EPAS1: variants seen among roughly 807,000 people sequenced by gnomAD.
The protein encoded by EPAS1 is endothelial PAS domain protein 1, also known as endothelial PAS domain-containing protein 1.
Under a neutral mutation model 87.9 loss-of-function variants are expected in EPAS1, and 23 were observed. The ratio of observed to expected loss-of-function variants is 0.26; its 90% confidence interval spans 0.19 to 0.37. EPAS1 has a LOEUF of 0.37. Among genes scored for constraint, EPAS1 ranks in the 10% least tolerant of loss-of-function variants. EPAS1 has a pLI of 1.00. For synonymous variants in EPAS1, 508 were observed against 444.3 expected (o/e 1.14, Z -1.80); for missense variants, 1,138 against 1,120.7 (o/e 1.02, Z -0.22).
chr2:46,308,334 T>G (rs1250206682), intron 1 of EPAS1, among the ~76,000 whole-genome samples: 1 of 152,178 alleles, frequency 6.6e-6, no homozygotes, highest in East Asian at 1.9e-4. Flanking sequence ...CCAAAGAGCC[T>G]GCTTATATTT....
intron 2 of EPAS1, among the ~76,000 whole-genome samples, chr2:46,351,370 C>T (rs1248717531): frequency 6.6e-6 from 1 of 152,158 alleles, no homozygotes; most frequent in African/African-American, 2.4e-5. Context: ...ATGAATCTCT[C>T]CTAGTGGACT....
At position 46,381,972 on chromosome 2, in the gene EPAS1, C is replaced by G. The variant is rs1248261567; in HGVS notation, c.2173-3C>G. ...CCTTTCCATCTGCCCTTCTTACTCCCAGGGGGACCCACCTGGTGGCAGCAC... is the reference window on the plus strand; with the variant it reads ...CCTTTCCATCTGCCCTTCTTACTCCGAGGGGGACCCACCTGGTGGCAGCAC... On this transcript the variant is annotated splice_polypyrimidine_tract_variant and splice_region_variant and intron_variant, in intron 13 of 15. Coordinates refer to ENST00000263734, the MANE Select transcript of EPAS1 (RefSeq NM_001430.5). 3 of 1,613,538 alleles carry G rather than the reference C, an allele frequency of 1.9e-6. No individual in the cohort carries two copies. In the African/African-American group the frequency reaches 4.0e-5, roughly 22 times the overall value.
chr2:46,317,394 C>T (rs7559647), intron 1 of EPAS1, among the ~76,000 whole-genome samples: 8,442 of 152,202 alleles, frequency 0.055, 771 homozygotes, highest in African/African-American at 0.19. Context: ...CAGAATGGAT[C>T]TTGTGTTAGC....
intron 8 of EPAS1, 105 bp from the exon 9 acceptor site, chr2:46,376,434 C>G: frequency 9.1e-7 from 1 of 1,101,106 alleles, no homozygotes; most frequent in Non-Finnish European, 1.4e-6. Context: ...GAGTCCTACC[C>G]ATTTTTTGTC....
intron 1 of EPAS1, among the ~76,000 whole-genome samples, chr2:46,330,645 A>C (rs1649204408): frequency 6.6e-6 from 1 of 152,228 alleles, no homozygotes; most frequent in Non-Finnish European, 1.5e-5. Context: ...TTGTCAAAGC[A>C]CAAGGAATGC....
At chr2:46,359,136 G>C (rs1411191732) in intron 4 of EPAS1, among the ~76,000 whole-genome samples, 3 of 151,608 alleles carry the variant, frequency 2.0e-5, no homozygotes, top group African/African-American at 7.3e-5. Flanking sequence ...GCGCGTGCCT[G>C]TAGTCCCAGC....
chr2:46,365,615 T>C (rs575862586), intron 6 of EPAS1, among the ~76,000 whole-genome samples: 7 of 152,358 alleles, frequency 4.6e-5, no homozygotes, highest in Non-Finnish European at 7.3e-5. Flanking sequence ...ACAGACAGGA[T>C]AGAAATGGAT....
chr2:46,372,211 A>C (rs1164584693), intron 7 of EPAS1, among the ~76,000 whole-genome samples: 1 of 152,228 alleles, frequency 6.6e-6, no homozygotes, highest in East Asian at 1.9e-4. Context: ...CATAGCTAGC[A>C]AAGGGACAAA....
chr2:46,373,440 T>C (rs182376851), intron 7 of EPAS1, among the ~76,000 whole-genome samples: 19 of 152,324 alleles, frequency 1.2e-4, no homozygotes, highest in Admixed American at 1.2e-3. Context: ...GGAATACAAC[T>C]CACTGATGAA....
In EPAS1 at chr2:46,356,176, C is replaced by T. The variant is rs776561456; in HGVS notation, c.243C>T (p.Ala81=). Residue 81 remains alanine (A), a synonymous_variant, in exon 3 of 16, where the codon GCC becomes GCT. Transcript: ENST00000263734. ...SSVCSENESE[A]EADQQMDNLY... is the part of the protein sequence containing the mutation. The stretch of plus-strand genomic sequence containing the variant: ...TTTGCTCTGAAAACGAGTCCGAAGC[C>T]GAAGCTGACCAGCAGATGGACAACT... 12 of 1,572,748 alleles carry T rather than the reference C, an allele frequency of 7.6e-6. No homozygotes were observed. The highest frequency in any genetic ancestry group is 1.1e-5 in the South Asian group (1 of 90,532).
In EPAS1 at chr2:46,347,350, T is replaced by C. The variant is rs1572631502; in HGVS notation, c.217+287T>C. The C allele has an allele frequency of 4.0e-6, 2 of 497,060 alleles. No individual in the cohort carries two copies. Among genetic ancestry groups the C allele is most frequent in the Non-Finnish European group, 7.4e-6 (2 of 271,740 alleles). 30.8% of individuals were successfully genotyped at this position (497,060 alleles called of 1,614,324 possible). On this transcript the variant is annotated intron_variant, in intron 2 of 15. Transcript: ENST00000263734. This position sits in a 1 kb window ranked among gnomAD's most constrained non-coding sequence, Gnocchi z 4.2. ...ACGGGCTGGGAGAACCAAGGACGGCTTTTGCTGACTTCTCAATTTGTTGCC... is the reference window on the plus strand; with the variant it reads ...ACGGGCTGGGAGAACCAAGGACGGCCTTTGCTGACTTCTCAATTTGTTGCC...
At position 46,381,687 on chromosome 2, in the gene EPAS1, G is replaced by A. The variant is rs1289443695; in HGVS notation, c.2137G>A (p.Glu713Lys). The A allele has an allele frequency of 1.2e-6, 2 of 1,614,016 alleles. No individual in the cohort carries two copies. The highest frequency in any genetic ancestry group is 2.2e-5 in the East Asian group (1 of 44,882). The change falls in exon 13 of 16, where the codon GAG becomes AAG. Residue 713 changes from glutamate to lysine, a missense_variant. Physicochemically the swap from Glu to Lys is moderately conservative, Grantham distance 56. Around this residue, in one of 4 missense-constraint regions of EPAS1, gnomAD observed 502 missense variants for 427.1 expected, o/e 1.18. Coordinates refer to ENST00000263734, the MANE Select transcript of EPAS1 (RefSeq NM_001430.5). ...SNKLKLKRQL[E>K]YEEQAFQDLS... ...CAAGCTGAAGCTGAAGCGACAGCTGGAGTATGAAGAGCAAGCCTTCCAGGA... is the reference window on the plus strand; with the variant it reads ...CAAGCTGAAGCTGAAGCGACAGCTGAAGTATGAAGAGCAAGCCTTCCAGGA...
chr2:46,301,912 A>G (rs1683008203), intron 1 of EPAS1, among the ~76,000 whole-genome samples: 1 of 151,972 alleles, frequency 6.6e-6, no homozygotes, highest in Non-Finnish European at 1.5e-5. Context: ...TGTTTTAGTT[A>G]GAAAAAAATC....
chr2:46,368,693 A>T (rs955144239), intron 6 of EPAS1, among the ~76,000 whole-genome samples: 2 of 152,166 alleles, frequency 1.3e-5, no homozygotes, highest in Admixed American at 6.5e-5. Flanking sequence ...TACAAGGATA[A>T]ATTATAGGAC....
intron 6 of EPAS1, among the ~76,000 whole-genome samples, chr2:46,363,533 T>C (rs1684444589): frequency 6.6e-6 from 1 of 152,218 alleles, no homozygotes; most frequent in Non-Finnish European, 1.5e-5. Context: ...TTTCTGAAGG[T>C]ACTAACCTTT....
chr2:46,382,874 C>T (rs1445431656), intron 15 of EPAS1, among the ~76,000 whole-genome samples: 1 of 152,198 alleles, frequency 6.6e-6, no homozygotes, highest in African/African-American at 2.4e-5. Flanking sequence ...AGACCACTAC[C>T]GACTGCCCAA....
intron 1 of EPAS1, among the ~76,000 whole-genome samples, chr2:46,298,535 G>A (rs1184833917): frequency 6.6e-6 from 1 of 152,228 alleles, no homozygotes; most frequent in African/African-American, 2.4e-5. Flanking sequence ...CCACTTCCTC[G>A]TGCCGCACCT....
At chr2:46,374,320 A>ACTAT (rs1250011524) in intron 7 of EPAS1, among the ~76,000 whole-genome samples, 1 of 152,072 alleles carries the variant, frequency 6.6e-6, no homozygotes, top group Non-Finnish European at 1.5e-5. Flanking sequence ...CCCTCATGAG[A>ACTAT]CTATCTACCA....
rs776254639 is a variant in EPAS1, at chr2:46,360,928, C to A, written c.617C>A (p.Pro206His). ...CAGGTGAAAGTCTACAACAACTGCCCTCCTCACAATAGTCTGTGTGGCTAC... is the reference window on the plus strand; with the variant it reads ...CAGGTGAAAGTCTACAACAACTGCCATCCTCACAATAGTCTGTGTGGCTAC... ...TGQVKVYNNC[P>H]PHNSLCGYKE... The change falls in exon 6 of 16, where the codon CCT becomes CAT. Residue 206 changes from proline to histidine, a missense_variant. Transcript: ENST00000263734. This position sits in a 1 kb window ranked among gnomAD's most constrained non-coding sequence, Gnocchi z 4.5. 1 of 1,614,224 alleles carries A rather than the reference C, an allele frequency of 6.2e-7. No homozygotes were observed. Among genetic ancestry groups the A allele is most frequent in the South Asian group, 1.1e-5 (1 of 91,088 alleles).
Sources: gnomAD v4.1 joint callset for allele counts (sites outside exome capture counted in the v4.1 genomes callset) on GRCh38, gnomAD v4.1.1 for gene constraint, gnomAD v4.1.1 regional missense constraint, Gnocchi (gnomAD v3.1) non-coding constraint, MANE v1.5 for transcripts, NCBI Gene and HGNC (gene_info 2026-07-23, HGNC 2026-07-21) for gene names.